The following GRID2 variants were observed in gnomAD, a reference collection of about 807,000 sequenced individuals.
GRID2 encodes glutamate ionotropic receptor delta type subunit 2.
A neutral mutation model predicts 114.8 loss-of-function variants in GRID2; 33 were observed. The ratio of observed to expected loss-of-function variants is 0.29; its 90% confidence interval spans 0.22 to 0.38. GRID2 has a LOEUF of 0.38. GRID2 is among the 10% of genes least tolerant of loss of function. The probability of loss-of-function intolerance (pLI) is 1.00; values close to 1 mark genes in which losing one functional copy is unlikely to be tolerated. For missense variants in GRID2, 1,184 were observed against 1,257.7 expected, an observed-to-expected ratio of 0.94 and a Z score of 0.89; for synonymous variants, 505 against 449.9, an observed-to-expected ratio of 1.12 and a Z score of -1.55.
intron 2 of GRID2, among the ~76,000 whole-genome samples, chr4:92,722,179 G>A (rs1349517609): frequency 6.6e-6 from 1 of 152,134 alleles, no homozygotes; most frequent in Admixed American, 6.6e-5. Context: ...GTAGAAGCTG[G>A]TAGTGAATGA....
rs566274523 is a variant in GRID2 at position 92,947,996 on chromosome 4, G to A, written c.245-136999G>A. 5.3e-5 allele frequency among the ~76,000 whole-genome samples: 8 copies of A among 151,682 alleles called. No homozygotes were observed. In the East Asian group the frequency reaches 1.2e-3, roughly 22 times the overall value. On this transcript the variant is annotated intron_variant, in intron 2 of 15. Coordinates refer to ENST00000282020, the MANE Select transcript of GRID2 (RefSeq NM_001510.4). ...TATTTTTATTGTGTCATATGAAGGT[G>A]GCACAAATTTAGCTTGTCCCTCAAT...
intron 4 of GRID2, among the ~76,000 whole-genome samples, chr4:93,198,330 G>A (rs1263307972): frequency 6.6e-6 from 1 of 152,082 alleles, no homozygotes; most frequent in Non-Finnish European, 1.5e-5. Flanking sequence ...AGAGACTCAT[G>A]GGGGAGCAAT....
intron 4 of GRID2, among the ~76,000 whole-genome samples, chr4:93,205,728 G>T (rs140645667): frequency 0.044 from 6,685 of 152,028 alleles, 501 homozygotes; most frequent in African/African-American, 0.15. Flanking sequence ...CTAAGGAATC[G>T]CCACACTGAC....
intron 2 of GRID2, among the ~76,000 whole-genome samples, chr4:92,733,796 T>C (rs1362968639): frequency 6.6e-6 from 1 of 152,040 alleles, no homozygotes; most frequent in African/African-American, 2.4e-5. Context: ...AAAACTGGTG[T>C]GATTACTGGT....
intron 14 of GRID2, among the ~76,000 whole-genome samples, chr4:93,654,800 G>A (rs1722866431): frequency 6.6e-6 from 1 of 152,030 alleles, no homozygotes; most frequent in African/African-American, 2.4e-5. Context: ...GTGTCAGTGA[G>A]TAAGTGAGTA....
intron 1 of GRID2, among the ~76,000 whole-genome samples, chr4:92,458,457 C>T (rs1003978108): frequency 6.6e-6 from 1 of 152,180 alleles, no homozygotes; most frequent in African/African-American, 2.4e-5. Context: ...TTAGGAGTCA[C>T]AGTGGCACAT....
At chr4:93,362,033 A>G (rs1761929806) in intron 8 of GRID2, among the ~76,000 whole-genome samples, 1 of 151,386 alleles carries the variant, frequency 6.6e-6, no homozygotes, top group Admixed American at 6.6e-5. Context: ...TTTATTGGAG[A>G]TGGGCTGTTA....
intron 2 of GRID2, among the ~76,000 whole-genome samples, chr4:93,006,198 C>T (rs1378248921): frequency 6.6e-6 from 1 of 152,028 alleles, no homozygotes; most frequent in Non-Finnish European, 1.5e-5. Context: ...AAAATACATT[C>T]AATACAACAA....
At chr4:92,716,784 T>G (rs1231979515) in intron 2 of GRID2, among the ~76,000 whole-genome samples, 1 of 152,178 alleles carries the variant, frequency 6.6e-6, no homozygotes, top group African/African-American at 2.4e-5. Flanking sequence ...ATCATTTGTG[T>G]TGTTGAAATG....
chr4:93,725,488 G>T (rs1729785533), intron 14 of GRID2, among the ~76,000 whole-genome samples: 1 of 151,842 alleles, frequency 6.6e-6, no homozygotes, highest in Non-Finnish European at 1.5e-5. Flanking sequence ...TAATCCTTTG[G>T]GTATATACCC....
chr4:93,176,609 T>G (rs2149429629), intron 4 of GRID2, among the ~76,000 whole-genome samples: 1 of 152,288 alleles, frequency 6.6e-6, no homozygotes, highest in African/African-American at 2.4e-5. Flanking sequence ...CCGTAGTGTA[T>G]CTAACAAAAT....
intron 8 of GRID2, among the ~76,000 whole-genome samples, chr4:93,284,397 C>T (rs1166687135): frequency 6.6e-6 from 1 of 152,008 alleles, no homozygotes; most frequent in Non-Finnish European, 1.5e-5. Context: ...GGAAAAACAA[C>T]CAATGGGTAC....
chr4:93,443,505 A>G (rs1156437622), intron 10 of GRID2, among the ~76,000 whole-genome samples: 1 of 151,978 alleles, frequency 6.6e-6, no homozygotes, highest in Non-Finnish European at 1.5e-5. Flanking sequence ...AGTTAATCAA[A>G]TTTATCAAGC....
intron 8 of GRID2, among the ~76,000 whole-genome samples, chr4:93,281,552 C>T (rs751414271): frequency 1.8e-4 from 28 of 151,966 alleles, no homozygotes; most frequent in Admixed American, 4.6e-4. Context: ...ACCTAAGTAA[C>T]CTAAGTCTCT....
intron 1 of GRID2, among the ~76,000 whole-genome samples, chr4:92,391,074 C>T (rs1010870380): frequency 4.6e-5 from 7 of 152,074 alleles, no homozygotes; most frequent in Non-Finnish European, 8.8e-5. Flanking sequence ...ATATAATTTG[C>T]GAATTCATAA....
chr4:92,888,942 G>A (rs962185817), intron 2 of GRID2, among the ~76,000 whole-genome samples: 1 of 151,564 alleles, frequency 6.6e-6, no homozygotes, highest in African/African-American at 2.4e-5. Flanking sequence ...CATTTTACAG[G>A]TCAATTTTAT....
At chr4:92,641,779 G>A (rs1273914302) in intron 2 of GRID2, among the ~76,000 whole-genome samples, 1 of 151,476 alleles carries the variant, frequency 6.6e-6, no homozygotes, top group Non-Finnish European at 1.5e-5. Context: ...TACGATGCAT[G>A]CCCCCTCCTT....
chr4:92,481,522 A>G (rs564387472), intron 1 of GRID2, among the ~76,000 whole-genome samples: 1 of 152,174 alleles, frequency 6.6e-6, no homozygotes, highest in African/African-American at 2.4e-5. Context: ...TGAAAGTGTG[A>G]AGCTTTGTTT....
intron 2 of GRID2, among the ~76,000 whole-genome samples, chr4:92,943,729 G>T (rs1466264941): frequency 1.3e-5 from 2 of 152,122 alleles, no homozygotes; most frequent in Admixed American, 6.5e-5. Context: ...TTTGGTCTTT[G>T]ATGATGGTGA....
Sources: gnomAD v4.1 joint callset for allele counts (sites outside exome capture counted in the v4.1 genomes callset) on GRCh38, gnomAD v4.1.1 for gene constraint, MANE v1.5 for transcripts, NCBI Gene and HGNC (gene_info 2026-07-23, HGNC 2026-07-21) for gene names.